Variants in CNTN3 observed in about 807,000 individuals in gnomAD.
CNTN3 encodes the protein contactin-3.
A neutral mutation model predicts 119.1 loss-of-function variants in CNTN3; 60 were observed. That is an observed-to-expected ratio of 0.50 (90% confidence interval 0.41 to 0.62). The LOEUF (loss-of-function observed/expected upper bound fraction) is 0.62, where lower values mean the gene tolerates loss of function less well. Ranked by LOEUF, CNTN3 falls within the 20% of genes least tolerant of loss-of-function variation. The pLI, the probability that CNTN3 is intolerant of heterozygous loss-of-function variation, is 0.00. For missense variants in CNTN3, 1,101 were observed against 1,242.4 expected, an observed-to-expected ratio of 0.89 and a Z score of 1.71; for synonymous variants, 450 against 438.7, an observed-to-expected ratio of 1.03 and a Z score of -0.32.
At chr3:74,595,448 T>G (rs191995736) in intron 1 of CNTN3, among the ~76,000 whole-genome samples, 1 of 152,146 alleles carries the variant, frequency 6.6e-6, no homozygotes, top group Non-Finnish European at 1.5e-5. Flanking sequence ...AAGTCTTTAA[T>G]CCATCTTGAA....
intron 1 of CNTN3, among the ~76,000 whole-genome samples, chr3:74,553,325 CA>C (rs1431065248): frequency 1.7e-4 from 26 of 152,188 alleles, no homozygotes; most frequent in African/African-American, 5.6e-4. Context: ...TTTCTTAATC[CA>C]GTCTATCATT....
chr3:74,375,433 G>C (rs189845008), intron 5 of CNTN3, among the ~76,000 whole-genome samples: 8 of 152,194 alleles, frequency 5.3e-5, no homozygotes, highest in Middle Eastern at 6.8e-3. Flanking sequence ...AGAAAAAGTC[G>C]ACATTCTAAT....
At chr3:74,443,368 T>C (rs1701997390) in intron 4 of CNTN3, among the ~76,000 whole-genome samples, 1 of 152,168 alleles carries the variant, frequency 6.6e-6, no homozygotes, top group Non-Finnish European at 1.5e-5. Flanking sequence ...TATGCACAAA[T>C]GAAAACCTGT....
intron 1 of CNTN3, among the ~76,000 whole-genome samples, chr3:74,574,602 T>A (rs369519854): frequency 1.3e-5 from 2 of 152,204 alleles, no homozygotes; most frequent in Admixed American, 1.3e-4. Context: ...GCACTACCCA[T>A]GGAAGTCATG....
intron 5 of CNTN3, among the ~76,000 whole-genome samples, chr3:74,413,043 A>T (rs1701463668): frequency 6.6e-6 from 1 of 152,194 alleles, no homozygotes; most frequent in South Asian, 2.1e-4. Flanking sequence ...GTGGCAGGAA[A>T]GTTCTGGCCC....
At chr3:74,453,951 T>C (rs540612614) in intron 4 of CNTN3, among the ~76,000 whole-genome samples, 322 of 152,058 alleles carry the variant, frequency 2.1e-3, no homozygotes, top group Middle Eastern at 6.8e-3. Context: ...AATTTTGGAA[T>C]AGGTGTGGTG....
intron 5 of CNTN3, among the ~76,000 whole-genome samples, chr3:74,413,182 G>A (rs145336956): frequency 1.9e-4 from 29 of 152,124 alleles, no homozygotes; most frequent in African/African-American, 5.8e-4. Context: ...AAAATGACAC[G>A]TCCCAGGTAG....
At chr3:74,322,265 T>C (rs1033278812) in intron 13 of CNTN3, among the ~76,000 whole-genome samples, 1 of 151,634 alleles carries the variant, frequency 6.6e-6, no homozygotes, top group Non-Finnish European at 1.5e-5. Context: ...AAAGGGCTGT[T>C]AGACAAAATA....
At chr3:74,318,213 G>A (rs148780491) in intron 13 of CNTN3, among the ~76,000 whole-genome samples, 179 of 151,974 alleles carry the variant, frequency 1.2e-3, no homozygotes, top group South Asian at 3.3e-3. Context: ...ACTTCTCTGC[G>A]TTTGTTATTC....
At position 74,369,220 on chromosome 3, in the gene CNTN3, T is replaced by C; in HGVS notation, c.915A>G (p.Lys305=). The C allele has an allele frequency of 1.9e-6, 3 of 1,605,892 alleles. No homozygotes were observed. In the South Asian group the frequency reaches 3.3e-5, roughly 18 times the overall value. The part of the protein sequence containing the change: ...YECIAENSRG[K]NVARGRLTYY... ...AAGTGAGACGCCCTCTGGCAACATTTTTTCCTCGTGAATTCTCAGCAATGC... is the reference window on the plus strand; with the variant it reads ...AAGTGAGACGCCCTCTGGCAACATTCTTTCCTCGTGAATTCTCAGCAATGC... Residue 305 remains lysine, a synonymous_variant, in exon 8 of 23, where the codon AAA becomes AAG. Coordinates refer to ENST00000263665, the MANE Select transcript of CNTN3 (RefSeq NM_020872.3).
At chr3:74,513,657 G>A (rs1246394139) in intron 2 of CNTN3, among the ~76,000 whole-genome samples, 2 of 150,104 alleles carry the variant, frequency 1.3e-5, no homozygotes, top group Admixed American at 1.3e-4. Flanking sequence ...AAAAAAAAAA[G>A]AGCAGCTTCC....
chr3:74,412,991 G>A (rs927924972), intron 5 of CNTN3, among the ~76,000 whole-genome samples: 6 of 152,154 alleles, frequency 3.9e-5, no homozygotes, highest in Non-Finnish European at 8.8e-5. Context: ...AAATAAGAGA[G>A]CATATGGTGA....
chr3:74,310,665 G>T (rs1702663470), intron 13 of CNTN3, among the ~76,000 whole-genome samples: 1 of 152,136 alleles, frequency 6.6e-6, no homozygotes, highest in African/African-American at 2.4e-5. Flanking sequence ...CTAGCTTCAG[G>T]AATCATACTG....
intron 1 of CNTN3, among the ~76,000 whole-genome samples, chr3:74,533,820 G>A (rs1703725909): frequency 6.6e-6 from 1 of 151,974 alleles, no homozygotes; most frequent in South Asian, 2.1e-4. Flanking sequence ...AGTGACCTGG[G>A]CTCCCAGCAG....
intron 13 of CNTN3, among the ~76,000 whole-genome samples, chr3:74,307,230 C>T (rs1357610766): frequency 6.6e-6 from 1 of 152,058 alleles, no homozygotes; most frequent in Non-Finnish European, 1.5e-5. Flanking sequence ...GTTAATCTGT[C>T]CCCAGAAAAT....
intron 4 of CNTN3, among the ~76,000 whole-genome samples, chr3:74,478,504 T>C (rs369431020): frequency 5.3e-5 from 8 of 152,246 alleles, no homozygotes; most frequent in African/African-American, 1.9e-4. Flanking sequence ...CCCCAAGGCC[T>C]CTTTTCTACT....
chr3:74,434,222 G>A (rs1440672331), intron 4 of CNTN3, among the ~76,000 whole-genome samples: 2 of 152,154 alleles, frequency 1.3e-5, no homozygotes, highest in African/African-American at 2.4e-5. Context: ...TTTGTAAAGT[G>A]GGTACAATAT....
chr3:74,264,278 C>A lies in CNTN3; in HGVS notation c.*123G>T. 1 of 433,850 alleles carries A rather than the reference C, an allele frequency of 2.3e-6. No homozygotes were observed. Among genetic ancestry groups the A allele is most frequent in the Non-Finnish European group, 4.2e-6 (1 of 240,898 alleles). 26.9% of individuals were successfully genotyped at this position (433,850 alleles called of 1,614,324 possible). A position where few individuals can be genotyped will look rare whatever the true frequency, so the allele number is the denominator to read the frequency against. ...TTTTTTTAATTATATTCATATTTAC[C>A]TATAATGAAGTAGAAAGTTAAAAAT... On this transcript the variant is annotated 3_prime_UTR_variant, in exon 23 of 23. Coordinates refer to ENST00000263665, the MANE Select transcript of CNTN3 (RefSeq NM_020872.3).
chr3:74,338,217 T>C (rs1185703634), intron 11 of CNTN3, among the ~76,000 whole-genome samples: 1 of 152,058 alleles, frequency 6.6e-6, no homozygotes, highest in Non-Finnish European at 1.5e-5. Context: ...TTCTGGGCCA[T>C]TCAGTAGAAT....
Sources: allele counts gnomAD v4.1 joint callset (sites outside exome capture counted in the v4.1 genomes callset), GRCh38; gene constraint gnomAD v4.1.1; transcripts MANE v1.5; gene names NCBI Gene and HGNC (gene_info 2026-07-23, HGNC 2026-07-21).